Variants in RAB6B observed in about 807,000 individuals in gnomAD.
The protein encoded by RAB6B is RAB6B, member RAS oncogene family.
Under a neutral mutation model 31.2 loss-of-function variants are expected in RAB6B, and 7 were observed. The observed-to-expected ratio is 0.22, with a 90% confidence interval of 0.13 to 0.42. The LOEUF is 0.42. Among genes scored for constraint, RAB6B ranks in the 10% least tolerant of loss-of-function variants. The pLI is 1.00. For synonymous variants in RAB6B, 105 were observed against 104.9 expected, an observed-to-expected ratio of 1.00 and a Z score of -0.01; for missense variants, 149 against 280.6, an observed-to-expected ratio of 0.53 and a Z score of 3.35.
intron 2 of RAB6B, among the ~76,000 whole-genome samples, chr3:133,851,281 G>C (rs567305067): frequency 6.6e-6 from 1 of 152,324 alleles, no homozygotes; most frequent in East Asian, 1.9e-4. Context: ...GTTTGTTTTA[G>C]ATAAAAGTGA....
Position 133,827,184 on chromosome 3 carries a change from T to C in RAB6B, c.*1604A>G, listed in dbSNP as rs916739014. 6.6e-6 allele frequency: 1 copy of C among 152,292 alleles called. No homozygotes were observed. 9.4% of individuals were successfully genotyped at this position (152,292 alleles called of 1,614,324 possible). Reference sequence around the variant, plus strand: ...TGCACTTACTGCCTGCCATTTCAGATTAATTTCTGAGAAGTTTCAAAATTC... The same window carrying C: ...TGCACTTACTGCCTGCCATTTCAGACTAATTTCTGAGAAGTTTCAAAATTC... On this transcript the variant is annotated 3_prime_UTR_variant, in exon 8 of 8. Transcript: ENST00000285208.
chr3:133,847,812 A>G (rs1471643929), intron 2 of RAB6B, among the ~76,000 whole-genome samples: 9 of 152,128 alleles, frequency 5.9e-5, no homozygotes, highest in Non-Finnish European at 1.3e-4. Flanking sequence ...TTCCTCTTCT[A>G]TGGCATTTGT....
At chr3:133,863,684 C>G (rs1473004256) in intron 2 of RAB6B, among the ~76,000 whole-genome samples, 1 of 152,062 alleles carries the variant, frequency 6.6e-6, no homozygotes, top group Non-Finnish European at 1.5e-5. Flanking sequence ...CTGAACCCAC[C>G]ACCCCCTACC....
In RAB6B at chr3:133,828,330, A is replaced by G. The variant is rs894405849; in HGVS notation, c.*458T>C. 2.3e-5 allele frequency: 8 copies of G among 353,902 alleles called. No homozygotes were observed. Among genetic ancestry groups the G allele is most frequent in the African/African-American group, 1.7e-4 (8 of 47,392 alleles). The allele number at this position is 353,902 out of a possible 1,614,324, so 21.9% of individuals were successfully genotyped here. ...ATTAATTTGCTCAGTTAATTGTTTT[A>G]ATTTATTGGGCTGGGGATAGGAGGA... On this transcript the variant is annotated 3_prime_UTR_variant, in exon 8 of 8. Transcript: ENST00000285208.
chr3:133,869,581 G>C (rs1455143482), intron 1 of RAB6B, among the ~76,000 whole-genome samples: 1 of 152,250 alleles, frequency 6.6e-6, no homozygotes, highest in Non-Finnish European at 1.5e-5. Flanking sequence ...CATCCCATGT[G>C]CTCTTCTTAC....
chr3:133,893,986 T>C (rs1356231068), intron 1 of RAB6B, among the ~76,000 whole-genome samples: 2 of 152,230 alleles, frequency 1.3e-5, no homozygotes, highest in Non-Finnish European at 2.9e-5. Flanking sequence ...ATCTCCATAC[T>C]GGGCCTGGAC....
chr3:133,835,207 TG>T (rs1935715683), intron 6 of RAB6B, among the ~76,000 whole-genome samples: 1 of 152,064 alleles, frequency 6.6e-6, no homozygotes, highest in East Asian at 1.9e-4. Context: ...TGTTTGGATG[TG>T]TAGGAGTGTG....
At chr3:133,859,458 G>A (rs1936128424) in intron 2 of RAB6B, among the ~76,000 whole-genome samples, 1 of 152,164 alleles carries the variant, frequency 6.6e-6, no homozygotes, top group Non-Finnish European at 1.5e-5. Flanking sequence ...GTGTCCATGA[G>A]TGTGTGAGTG....
At position 133,828,541 on chromosome 3, in the gene RAB6B, C is replaced by T; in HGVS notation, c.*247G>A. ...TTTTTTAAATTTTAACAGTTTTTGG[C>T]AATCTTAATAAAGTACAATATATTA... On this transcript the variant is annotated 3_prime_UTR_variant, in exon 8 of 8. Coordinates refer to ENST00000285208, the MANE Select transcript of RAB6B (RefSeq NM_016577.4). The T allele has an allele frequency of 2.1e-6, 1 of 484,350 alleles. No homozygotes were observed. Among genetic ancestry groups the T allele is most frequent in the East Asian group, 3.5e-5 (1 of 28,296 alleles). The allele number at this position is 484,350 out of a possible 1,614,324, so 30.0% of individuals were successfully genotyped here.
At chr3:133,853,210 T>A (rs1438921611) in intron 2 of RAB6B, among the ~76,000 whole-genome samples, 1 of 152,104 alleles carries the variant, frequency 6.6e-6, no homozygotes, top group Non-Finnish European at 1.5e-5. Context: ...CAGGCCACAG[T>A]GTGTACTGAT....
At chr3:133,840,921 T>C (rs917273730) in intron 4 of RAB6B, among the ~76,000 whole-genome samples, 1 of 152,270 alleles carries the variant, frequency 6.6e-6, no homozygotes, top group Non-Finnish European at 1.5e-5. Context: ...GACACACATA[T>C]AGAAGTAGCT....
intron 1 of RAB6B, among the ~76,000 whole-genome samples, chr3:133,885,824 G>T (rs530302796): frequency 6.1e-4 from 93 of 152,284 alleles, no homozygotes; most frequent in African/African-American, 2.1e-3. Context: ...ATATACATCT[G>T]CAGTGGAGCT....
intron 1 of RAB6B, among the ~76,000 whole-genome samples, chr3:133,876,041 A>G (rs567352557): frequency 7.9e-5 from 12 of 152,352 alleles, no homozygotes; most frequent in African/African-American, 2.6e-4. Context: ...CTATGTATCA[A>G]TAACAATGAA....
chr3:133,876,747 T>C (rs989150557), intron 1 of RAB6B, among the ~76,000 whole-genome samples: 2 of 152,206 alleles, frequency 1.3e-5, no homozygotes, highest in African/African-American at 4.8e-5. Context: ...AAAAAGAGTC[T>C]GGAGTGCAGA....
Position 133,827,746 on chromosome 3 carries a change from A to AGCCCCCCCC in RAB6B, c.*1041_*1042insGGGGGGGGC. 1.4e-5 allele frequency: 1 copy of AGCCCCCCCC among 72,114 alleles called. No individual in the cohort carries two copies. The highest frequency in any genetic ancestry group is 2.7e-5 in the Non-Finnish European group (1 of 36,596). The allele number at this position is 72,114 out of a possible 1,614,324, so 4.5% of individuals were successfully genotyped here. The stretch of plus-strand genomic sequence containing the variant: ...TCAAGGTGGTGGTTCTGCAGACAAC[A>AGCCCCCCCC]CCCCCCCCCCCCCCCGCCTCCCCAT... On this transcript the variant is annotated 3_prime_UTR_variant, in exon 8 of 8. Coordinates refer to ENST00000285208, the MANE Select transcript of RAB6B (RefSeq NM_016577.4).
At chr3:133,844,227 C>T (rs547188538) in intron 2 of RAB6B, among the ~76,000 whole-genome samples, 1 of 152,338 alleles carries the variant, frequency 6.6e-6, no homozygotes, top group Admixed American at 6.5e-5. Context: ...TACTGAACAT[C>T]CACATACTTT....
At chr3:133,841,564 AAAGG>A (rs1935831343) in intron 3 of RAB6B, 42 bp downstream of exon 3, 2 of 1,604,340 alleles carry the variant, frequency 1.2e-6, no homozygotes, top group African/African-American at 1.3e-5. Context: ...GGATAAGCCC[AAAGG>A]AACCCTCCCT....
At chr3:133,875,824 T>C (rs934671111) in intron 1 of RAB6B, among the ~76,000 whole-genome samples, 6 of 152,108 alleles carry the variant, frequency 3.9e-5, no homozygotes, top group Non-Finnish European at 7.4e-5. Context: ...ACAGAATGCA[T>C]CCCATTACCT....
intron 1 of RAB6B, among the ~76,000 whole-genome samples, chr3:133,867,518 CTG>C (rs1287523590): frequency 1.3e-5 from 2 of 152,212 alleles, no homozygotes; most frequent in African/African-American, 4.8e-5. Flanking sequence ...CTGAGTGGGG[CTG>C]GGATGTGGCT....
Sources: allele counts gnomAD v4.1 joint callset (sites outside exome capture counted in the v4.1 genomes callset), GRCh38; gene constraint gnomAD v4.1.1; transcripts MANE v1.5; gene names NCBI Gene and HGNC (gene_info 2026-07-23, HGNC 2026-07-21).